Variants in MSI2 observed in about 807,000 individuals in gnomAD.
MSI2 encodes the protein musashi RNA binding protein 2.
MSI2 carries 17 observed loss-of-function variants against 45.6 expected under a neutral mutation model. That is an observed-to-expected ratio of 0.37 (90% CI 0.26 to 0.56). The LOEUF (loss-of-function observed/expected upper bound fraction) is 0.56, where lower values mean the gene tolerates loss of function less well. MSI2 is among the 20% of genes least tolerant of loss of function. The pLI is 0.77. For synonymous variants in MSI2, 156 were observed against 158.2 expected (o/e 0.99, Z 0.11); for missense variants, 293 against 444.2 (o/e 0.66, Z 3.06).
chr17:57,358,208 T>TGTGC (rs1567778513), intron 5 of MSI2, among the ~76,000 whole-genome samples: 2 of 151,488 alleles, frequency 1.3e-5, no homozygotes, highest in Non-Finnish European at 2.9e-5. Flanking sequence ...TGGGGGGGTG[T>TGTGC]GTGTGTGTGT....
intron 8 of MSI2, chr17:57,602,113 C>G (rs1430500597): frequency 2.0e-5 from 3 of 152,158 alleles, no homozygotes; most frequent in African/African-American, 7.2e-5. Context: ...CAACTTTGTC[C>G]AACCCATGAC....
chr17:57,610,190 C>T (rs1003380468), intron 8 of MSI2, among the ~76,000 whole-genome samples: 9 of 152,278 alleles, frequency 5.9e-5, no homozygotes, highest in Admixed American at 3.3e-4. Flanking sequence ...CAGTGGCTCA[C>T]GTCTGTAATC....
downstream of MSI2, among the ~76,000 whole-genome samples, chr17:57,689,257 G>A (rs2144781941): frequency 6.6e-6 from 1 of 152,044 alleles, no homozygotes; most frequent in Admixed American, 6.5e-5. Context: ...CATTTTAATA[G>A]AAAATATGTA....
intron 6 of MSI2, among the ~76,000 whole-genome samples, chr17:57,476,976 C>T (rs1227632441): frequency 1.3e-5 from 2 of 151,220 alleles, no homozygotes; most frequent in Non-Finnish European, 2.9e-5. Context: ...CAAGGCCTCA[C>T]CCCCGTCTGG....
intron 7 of MSI2, among the ~76,000 whole-genome samples, chr17:57,537,306 C>G (rs1045902855): frequency 1.3e-5 from 2 of 152,190 alleles, no homozygotes; most frequent in Non-Finnish European, 2.9e-5. Context: ...CGCCTCTTCA[C>G]TGCCTTGCAG....
intron 6 of MSI2, among the ~76,000 whole-genome samples, chr17:57,414,878 C>T (rs952766372): frequency 4.6e-5 from 7 of 152,108 alleles, no homozygotes; most frequent in Non-Finnish European, 1.0e-4. Flanking sequence ...CAGTAATGCC[C>T]TTTTCAGAGT....
At chr17:57,622,925 AG>A (rs1415568352) in intron 9 of MSI2, among the ~76,000 whole-genome samples, 2 of 152,184 alleles carry the variant, frequency 1.3e-5, no homozygotes, top group Admixed American at 1.3e-4. Flanking sequence ...ACTTCCTGCA[AG>A]GGAGGGAAGG....
intron 11 of MSI2, among the ~76,000 whole-genome samples, chr17:57,667,562 A>G (rs182292228): frequency 6.6e-6 from 1 of 152,160 alleles, no homozygotes; most frequent in African/African-American, 2.4e-5. Flanking sequence ...TGACTGCCTC[A>G]TGGCCTTTCC....
intron 6 of MSI2, among the ~76,000 whole-genome samples, chr17:57,521,262 C>A (rs1038943230): frequency 6.6e-6 from 1 of 152,136 alleles, no homozygotes; most frequent in East Asian, 1.9e-4. Flanking sequence ...GACTCAAAAG[C>A]CCAGCATCTG....
rs1055571362 is a variant in MSI2, at chr17:57,357,216, C to T, written c.313-44163C>T. The stretch of plus-strand genomic sequence containing the variant: ...CTCCCCAAGCAGAGGAACTGCCTCT[C>T]GGGGCAGCCAAGAACCACAGACCCA... On this transcript the variant is annotated intron_variant, in intron 5 of 13. Transcript: ENST00000284073. 1.2e-4 allele frequency among the ~76,000 whole-genome samples: 19 copies of T among 152,292 alleles called. 1 individual carries two copies. The highest frequency in any genetic ancestry group is 4.1e-4 in the African/African-American group (17 of 41,558).
At chr17:57,402,291 C>T (rs1356475633) in intron 6 of MSI2, among the ~76,000 whole-genome samples, 2 of 152,160 alleles carry the variant, frequency 1.3e-5, no homozygotes, top group African/African-American at 4.8e-5. Context: ...CCACCCTCCT[C>T]TGGCCCCTGT....
Position 57,575,817 on chromosome 17 carries a change from C to T in MSI2, c.455-21051C>T, listed in dbSNP as rs534586515. ...AAAATTAGCCGGGCCTGGTGGCAGG[C>T]GCCTGTAGTCCCAGCTACTCGGGAG... On this transcript the variant is annotated intron_variant, in intron 7 of 13. Transcript: ENST00000284073. Among the ~76,000 whole-genome samples the T allele has an allele frequency of 1.6e-3, 249 of 152,068 alleles. 1 individual carries two copies. Among genetic ancestry groups the T allele is most frequent in the African/African-American group, 5.9e-3 (243 of 41,464 alleles).
At chr17:57,283,959 C>T (rs1042792178) in intron 5 of MSI2, among the ~76,000 whole-genome samples, 6 of 152,136 alleles carry the variant, frequency 3.9e-5, no homozygotes, top group Admixed American at 1.3e-4. Flanking sequence ...ATTGATTGCT[C>T]TGTATTTGTA....
intron 5 of MSI2, among the ~76,000 whole-genome samples, chr17:57,363,770 AACAAAC>A (rs200031633): frequency 1.0e-3 from 124 of 122,860 alleles, no homozygotes; most frequent in Non-Finnish European, 1.3e-3. Flanking sequence ...CAACAACAAC[AACAAAC>A]AACAACAACA....
intron 7 of MSI2, among the ~76,000 whole-genome samples, chr17:57,533,793 C>T (rs546697296): frequency 7.7e-4 from 117 of 152,344 alleles, no homozygotes; most frequent in African/African-American, 2.8e-3. Flanking sequence ...TGCCTGCACG[C>T]TGGCCTGTCA....
At chr17:57,339,271 A>G (rs1914930261) in intron 5 of MSI2, among the ~76,000 whole-genome samples, 1 of 152,222 alleles carries the variant, frequency 6.6e-6, no homozygotes, top group African/African-American at 2.4e-5. Flanking sequence ...GGGGGTCGGC[A>G]TATTTAGATC....
chr17:57,276,786 T>G (rs1908883333), intron 5 of MSI2, among the ~76,000 whole-genome samples: 1 of 152,186 alleles, frequency 6.6e-6, no homozygotes, highest in Non-Finnish European at 1.5e-5. Flanking sequence ...AGAATTTCTC[T>G]GAGGCAAGTC....
intron 5 of MSI2, among the ~76,000 whole-genome samples, chr17:57,385,517 G>A (rs1165467301): frequency 6.6e-6 from 1 of 152,158 alleles, no homozygotes; most frequent in East Asian, 1.9e-4. Context: ...CAGGCATGGT[G>A]GCACATGCCT....
Position 57,399,558 on chromosome 17 carries a change from T to C in MSI2, c.313-1821T>C, listed in dbSNP as rs142399894. On this transcript the variant is annotated intron_variant, in intron 5 of 13. Coordinates refer to ENST00000284073, the MANE Select transcript of MSI2 (RefSeq NM_138962.4). ...AGGCTATGGTGGCATGTGTCTTCTGTGGGAGCTACTAAGCTAAAGCAAGAG... is the reference window on the plus strand; with the variant it reads ...AGGCTATGGTGGCATGTGTCTTCTGCGGGAGCTACTAAGCTAAAGCAAGAG... Among the ~76,000 whole-genome samples the C allele has an allele frequency of 8.9e-3, 1,322 of 147,958 alleles. 21 individuals are homozygous for C. Among genetic ancestry groups the C allele is most frequent in the African/African-American group, 0.032 (1,255 of 39,590 alleles).
Sources: gnomAD v4.1 joint callset for allele counts (sites outside exome capture counted in the v4.1 genomes callset) on GRCh38, gnomAD v4.1.1 for gene constraint, MANE v1.5 for transcripts, NCBI Gene and HGNC (gene_info 2026-07-23, HGNC 2026-07-21) for gene names.